Variants in TMEM266 observed in about 807,000 individuals in gnomAD.
TMEM266 encodes transmembrane protein 266, also known as Hv1 related protein 1.
TMEM266 carries 33 observed loss-of-function variants against 50.5 expected under a neutral mutation model. That is an observed-to-expected ratio of 0.65 (90% CI 0.50 to 0.87). TMEM266 has a LOEUF of 0.87. Ranked by LOEUF, TMEM266 falls within the 40% of genes least tolerant of loss-of-function variation. The pLI is 0.00. For missense variants in TMEM266, 655 were observed against 695.1 expected (o/e 0.94, Z 0.65); for synonymous variants, 310 against 292.3 (o/e 1.06, Z -0.62).
At chr15:76,202,132 T>C in intron 9 of TMEM266, 70 bp from the exon 10 acceptor site, 1 of 1,294,818 alleles carries the variant, frequency 7.7e-7, no homozygotes, top group Non-Finnish European at 1.1e-6. Flanking sequence ...ACCGTGGGGG[T>C]GGGGACAGGA....
At chr15:76,178,640 G>T (rs193000143) in intron 8 of TMEM266, 1 of 152,254 alleles carries the variant, frequency 6.6e-6, no homozygotes, top group Admixed American at 6.5e-5. Flanking sequence ...GAGCCCCCCG[G>T]GGACCCCAGG....
At chr15:76,157,706 C>G (rs897664236) in intron 4 of TMEM266, among the ~76,000 whole-genome samples, 1 of 152,166 alleles carries the variant, frequency 6.6e-6, no homozygotes, top group African/African-American at 2.4e-5. Context: ...AAAAGAGGCA[C>G]AGGCCAGGTG....
intron 1 of TMEM266, among the ~76,000 whole-genome samples, chr15:76,110,801 A>G (rs2037159852): frequency 6.6e-6 from 1 of 152,268 alleles, no homozygotes; most frequent in Non-Finnish European, 1.5e-5. Context: ...TAAAACCAAT[A>G]GTCCAATCAA....
chr15:76,113,392 TTGTG>T (rs1332356341), intron 1 of TMEM266: 1 of 152,196 alleles, frequency 6.6e-6, no homozygotes, highest in Non-Finnish European at 1.5e-5. Flanking sequence ...AGGTGAATAA[TTGTG>T]TGTGCACATG....
At chr15:76,115,812 T>C (rs1433035018) in intron 1 of TMEM266, among the ~76,000 whole-genome samples, 1 of 152,130 alleles carries the variant, frequency 6.6e-6, no homozygotes, top group Admixed American at 6.5e-5. Flanking sequence ...AATTCCCACA[T>C]TTAGTCCATC....
chr15:76,076,784 A>G (rs2036613459), intron 1 of TMEM266, among the ~76,000 whole-genome samples: 1 of 152,120 alleles, frequency 6.6e-6, no homozygotes, highest in Non-Finnish European at 1.5e-5. Context: ...TAATTATGCA[A>G]GAGTATTTAA....
chr15:76,175,695 G>A, intron 8 of TMEM266, 21 bp downstream of exon 8: 1 of 1,599,128 alleles, frequency 6.3e-7, no homozygotes, highest in Non-Finnish European at 8.6e-7. Context: ...GCCACTTTCG[G>A]CTCTGTCCGT....
chr15:76,120,430 C>T (rs569635157), intron 1 of TMEM266, among the ~76,000 whole-genome samples: 1 of 151,970 alleles, frequency 6.6e-6, no homozygotes, highest in South Asian at 2.1e-4. Context: ...ATATAATGAA[C>T]TATTTTTATA....
Position 76,204,287 on chromosome 15 carries a change from A to G in TMEM266, c.1568A>G (p.Gln523Arg). ...TTCAGATCTTTGGAATCCAAAGAGC[A>G]AAAGCTGCACAGGGTCCCTGAGGCC... The change falls in exon 11 of 11, where the codon CAA becomes CGA. Residue 523 changes from glutamine (Q) to arginine (R), a missense_variant. Gln to Arg is a conservative substitution (Grantham distance 43). This residue lies in a region of TMEM266 where 455 missense variants were observed against 401.8 expected (regional missense o/e 1.13). Coordinates refer to ENST00000388942, the MANE Select transcript of TMEM266 (RefSeq NM_152335.3). 1 of 1,611,686 alleles carries G rather than the reference A, an allele frequency of 6.2e-7. No individual in the cohort carries two copies. The highest frequency in any genetic ancestry group is 2.2e-5 in the East Asian group (1 of 44,804).
Position 76,201,249 on chromosome 15 carries a change from C to T in TMEM266, c.959-953C>T, listed in dbSNP as rs1473536033. Among the ~76,000 whole-genome samples the T allele has an allele frequency of 4.6e-5, 7 of 152,264 alleles. 1 individual carries two copies. In the East Asian group the frequency reaches 7.7e-4, roughly 17 times the overall value. ...ACCATCCTGTGGCCCCTCACTGCCT[C>T]GCTGCCCTTGGAACAAGGCCCAGCT... On this transcript the variant is annotated intron_variant, in intron 9 of 10. Coordinates refer to ENST00000388942, the MANE Select transcript of TMEM266 (RefSeq NM_152335.3).
chr15:76,066,299 ACC>A (rs1230351432), intron 1 of TMEM266, among the ~76,000 whole-genome samples: 1 of 152,198 alleles, frequency 6.6e-6, no homozygotes, highest in African/African-American at 2.4e-5. Flanking sequence ...AGGGAGAGTT[ACC>A]CATGTCAGAA....
intron 1 of TMEM266, among the ~76,000 whole-genome samples, chr15:76,075,931 G>A (rs1026584623): frequency 5.3e-5 from 7 of 131,268 alleles, no homozygotes; most frequent in Non-Finnish European, 1.5e-5. Flanking sequence ...ATCATGGGTC[G>A]CTGCTGCAGC....
At chr15:76,113,019 A>G (rs1460121132) in intron 1 of TMEM266, 1 of 152,190 alleles carries the variant, frequency 6.6e-6, no homozygotes, top group African/African-American at 2.4e-5. Context: ...ACCCACTCCT[A>G]TGAAATATGT....
At chr15:76,064,225 C>T (rs2036366896) in intron 1 of TMEM266, among the ~76,000 whole-genome samples, 2 of 152,202 alleles carry the variant, frequency 1.3e-5, no homozygotes, top group East Asian at 1.9e-4. Context: ...CTTGCACTGC[C>T]TGCATTATTA....
At chr15:76,066,264 T>C (rs1327689895) in intron 1 of TMEM266, among the ~76,000 whole-genome samples, 1 of 152,194 alleles carries the variant, frequency 6.6e-6, no homozygotes. Flanking sequence ...GTAAGCTTGA[T>C]ACGGGATAAT....
chr15:76,117,793 G>A (rs981740175), intron 1 of TMEM266, among the ~76,000 whole-genome samples: 1 of 152,166 alleles, frequency 6.6e-6, no homozygotes, highest in African/African-American at 2.4e-5. Context: ...GCCTGGAGGT[G>A]TTTGTAAAAT....
intron 9 of TMEM266, among the ~76,000 whole-genome samples, chr15:76,197,311 G>T (rs2038670669): frequency 6.6e-6 from 1 of 152,212 alleles, no homozygotes; most frequent in Non-Finnish European, 1.5e-5. Context: ...GCAACCGGAG[G>T]GACATGGGTT....
At chr15:76,150,801 C>G (rs1192238633) in intron 3 of TMEM266, among the ~76,000 whole-genome samples, 1 of 152,252 alleles carries the variant, frequency 6.6e-6, no homozygotes, top group African/African-American at 2.4e-5. Flanking sequence ...CCAGCTCCTT[C>G]CAGGTCACCC....
chr15:76,126,413 T>G (rs1819309335), intron 1 of TMEM266, among the ~76,000 whole-genome samples: 1 of 148,362 alleles, frequency 6.7e-6, no homozygotes, highest in Non-Finnish European at 1.5e-5. Context: ...TGGAATATTA[T>G]TCAGCCTTTA....
Sources: allele counts gnomAD v4.1 joint callset (sites outside exome capture counted in the v4.1 genomes callset), GRCh38; gene constraint gnomAD v4.1.1; regional missense constraint gnomAD v4.1.1; transcripts MANE v1.5; gene names NCBI Gene and HGNC (gene_info 2026-07-23, HGNC 2026-07-21).